LPCAT2: variants seen among roughly 807,000 people sequenced by gnomAD.
LPCAT2 encodes 1-AGP acyltransferase 11.
In LPCAT2, 58 loss-of-function variants were observed where a neutral mutation model predicts 64.7. The observed-to-expected ratio is 0.90, with a 90% CI of 0.73 to 1.12. The LOEUF (loss-of-function observed/expected upper bound fraction) is 1.12. Among genes scored for constraint, LPCAT2 ranks in the 50% most tolerant of loss-of-function variants. LPCAT2 has a pLI of 0.00. For synonymous variants in LPCAT2, 252 were observed against 245.3 expected (o/e 1.03, Z -0.26); for missense variants, 579 against 669.8 (o/e 0.86, Z 1.50).
intron 11 of LPCAT2, among the ~76,000 whole-genome samples, chr16:55,569,596 A>T (rs1963747128): frequency 6.6e-6 from 1 of 152,248 alleles, no homozygotes; most frequent in African/African-American, 2.4e-5. Context: ...TAAAACAATC[A>T]TCTCACACTA....
At chr16:55,580,360 A>T (rs2142426527) in intron 13 of LPCAT2, among the ~76,000 whole-genome samples, 1 of 152,310 alleles carries the variant, frequency 6.6e-6, no homozygotes. Flanking sequence ...CATAAGGAAG[A>T]CTATTACTCC....
intron 1 of LPCAT2, among the ~76,000 whole-genome samples, chr16:55,522,032 T>G (rs1163715479): frequency 6.6e-6 from 1 of 151,568 alleles, no homozygotes; most frequent in Non-Finnish European, 1.5e-5. Flanking sequence ...ACATATTGAT[T>G]AGAATGGAAA....
In LPCAT2 at chr16:55,580,546, C is replaced by T. The variant is rs554687566; in HGVS notation, c.1450+1302C>T. Among the ~76,000 whole-genome samples, 31 of 152,136 alleles carry T rather than the reference C, an allele frequency of 2.0e-4. No homozygotes were observed. The South Asian group carries it at 6.0e-3, about 30-fold the overall frequency. ...GCAGAATACAGAATATCTCCCCTTT[C>T]CCAATATTAGGCAAATCTGCTATTT... On this transcript the variant is annotated intron_variant, in intron 13 of 13. Coordinates refer to ENST00000262134, the MANE Select transcript of LPCAT2 (RefSeq NM_017839.5).
chr16:55,584,177 T>C lies in LPCAT2; in HGVS notation c.*1079T>C, dbSNP rs1371957114. 6.6e-6 allele frequency: 1 copy of C among 152,188 alleles called. No homozygotes were observed. The highest frequency in any genetic ancestry group is 2.4e-5 in the African/African-American group (1 of 41,440). 9.4% of individuals were successfully genotyped at this position (152,188 alleles called of 1,614,324 possible). The stretch of plus-strand genomic sequence containing the variant: ...TTGAATTTAATTTGAGTTAGATAGT[T>C]CAGAATGTAGCACTTGCCCTATAAA... On this transcript the variant is annotated 3_prime_UTR_variant, in exon 14 of 14. Transcript: ENST00000262134.
intron 12 of LPCAT2, among the ~76,000 whole-genome samples, chr16:55,578,805 A>G (rs1963857310): frequency 6.6e-6 from 1 of 152,114 alleles, no homozygotes; most frequent in African/African-American, 2.4e-5. Flanking sequence ...CTAAGACCCA[A>G]CTCAAATGTC....
chr16:55,526,523 A>C (rs1963172733), intron 2 of LPCAT2, among the ~76,000 whole-genome samples: 1 of 152,222 alleles, frequency 6.6e-6, no homozygotes, highest in Non-Finnish European at 1.5e-5. Flanking sequence ...CTTTTAAAGA[A>C]ATACATAGTT....
chr16:55,518,579 G>GTA (rs1963046499), intron 1 of LPCAT2, among the ~76,000 whole-genome samples: 1 of 152,160 alleles, frequency 6.6e-6, no homozygotes, highest in Admixed American at 6.5e-5. Flanking sequence ...TAACAAGACA[G>GTA]ACATATAGAT....
At chr16:55,516,754 T>C (rs1412839557) in intron 1 of LPCAT2, among the ~76,000 whole-genome samples, 2 of 152,088 alleles carry the variant, frequency 1.3e-5, no homozygotes, top group African/African-American at 4.8e-5. Context: ...CATAAGGAAA[T>C]TGAAGACTTG....
chr16:55,579,729 G>A (rs1026789786), intron 13 of LPCAT2, among the ~76,000 whole-genome samples: 5 of 152,086 alleles, frequency 3.3e-5, no homozygotes, highest in Non-Finnish European at 7.4e-5. Flanking sequence ...ATGGACTGAG[G>A]CACCAACAAT....
intron 7 of LPCAT2, among the ~76,000 whole-genome samples, chr16:55,535,303 G>C (rs1419634594): frequency 7.2e-5 from 11 of 152,098 alleles, no homozygotes; most frequent in African/African-American, 2.7e-4. Flanking sequence ...CACATTGTAG[G>C]CTTTTTTAGA....
At chr16:55,582,362 A>G (rs761784162) in intron 13 of LPCAT2, among the ~76,000 whole-genome samples, 9 of 152,170 alleles carry the variant, frequency 5.9e-5, no homozygotes, top group Non-Finnish European at 1.2e-4. Context: ...TGTACCTTTA[A>G]ATATTAAATT....
chr16:55,526,703 C>A (rs1164337901), intron 2 of LPCAT2, among the ~76,000 whole-genome samples: 1 of 152,014 alleles, frequency 6.6e-6, no homozygotes, highest in Non-Finnish European at 1.5e-5. Flanking sequence ...TTATGACTCA[C>A]CAATTCTTTT....
At chr16:55,573,095 G>A (rs553734118) in intron 11 of LPCAT2, among the ~76,000 whole-genome samples, 25 of 152,296 alleles carry the variant, frequency 1.6e-4, no homozygotes, top group Non-Finnish European at 3.4e-4. Context: ...GTGAGAAAAC[G>A]AGATTAAATT....
At chr16:55,579,805 T>C (rs1963869444) in intron 13 of LPCAT2, among the ~76,000 whole-genome samples, 1 of 152,222 alleles carries the variant, frequency 6.6e-6, no homozygotes, top group Admixed American at 6.5e-5. Context: ...ACATTCCTTG[T>C]CTCATGCCAT....
rs1271312272 is a variant in LPCAT2 at position 55,567,480 on chromosome 16, C to T, written c.1216-7151C>T. On this transcript the variant is annotated intron_variant, in intron 11 of 13. Transcript: ENST00000262134. Reference sequence around the variant, plus strand: ...GATTCAAGTGTCTATCAAAGAATGGCTGCAGTTGACCATGTATTCCTGAAG... The same window carrying T: ...GATTCAAGTGTCTATCAAAGAATGGTTGCAGTTGACCATGTATTCCTGAAG... 4.3e-6 allele frequency: 7 copies of T among 1,613,222 alleles called. 1 individual carries two copies. The South Asian group carries it at 6.6e-5, about 15-fold the overall frequency.
In LPCAT2 at chr16:55,574,698, A is replaced by G. The variant is rs1963808184; in HGVS notation, c.1283A>G (p.Asn428Ser). 1 of 1,613,488 alleles carries G rather than the reference A, an allele frequency of 6.2e-7. No homozygotes were observed. The highest frequency in any genetic ancestry group is 1.7e-5 in the Admixed American group (1 of 59,942). Residue 428 changes from asparagine (N) to serine (S), a missense_variant, in exon 12 of 14, where the codon AAC becomes AGC. Physicochemically the swap from Asn to Ser is conservative, Grantham distance 46. Transcript: ENST00000262134. ...CTGGCTGTCTTGTGCAACCCTTCCA[A>G]CACAGAGGAGATCATCCAGGTGGCA... is the stretch of plus-strand genomic sequence containing the variant. The part of the protein sequence containing the change: ...IGLAVLCNPS[N>S]TEEIIQVAFK...
At chr16:55,516,859 G>A (rs1963019687) in intron 1 of LPCAT2, among the ~76,000 whole-genome samples, 2 of 152,156 alleles carry the variant, frequency 1.3e-5, no homozygotes, top group African/African-American at 2.4e-5. Flanking sequence ...TGGAACATTT[G>A]CCAAGGTAGG....
chr16:55,527,948 A>C (rs371975950), intron 2 of LPCAT2, among the ~76,000 whole-genome samples: 1 of 152,228 alleles, frequency 6.6e-6, no homozygotes, highest in Non-Finnish European at 1.5e-5. Context: ...TGGATTCCCA[A>C]GATAACCACT....
At chr16:55,566,740 C>G in intron 11 of LPCAT2, 2 of 1,589,222 alleles carry the variant, frequency 1.3e-6, no homozygotes, top group East Asian at 2.2e-5. Context: ...GCCGCATTTG[C>G]TTGTTAAACT....
Sources: gnomAD v4.1 joint callset for allele counts (sites outside exome capture counted in the v4.1 genomes callset) on GRCh38, gnomAD v4.1.1 for gene constraint, MANE v1.5 for transcripts, NCBI Gene and HGNC (gene_info 2026-07-23, HGNC 2026-07-21) for gene names.